NTAN1: variants seen among roughly 807,000 people sequenced by gnomAD.
NTAN1 encodes protein N-terminal asparagine amidohydrolase.
Under a neutral mutation model 41.9 loss-of-function variants are expected in NTAN1, and 32 were observed. The observed-to-expected ratio is 0.76, with a 90% confidence interval of 0.58 to 1.03. The LOEUF (loss-of-function observed/expected upper bound fraction) is 1.03. Ranked by LOEUF, NTAN1 falls within the 50% of genes least tolerant of loss-of-function variation. The probability of loss-of-function intolerance (pLI) is 0.00; values close to 1 mark genes in which losing one functional copy is unlikely to be tolerated. For synonymous variants in NTAN1, 140 were observed against 139.5 expected, an observed-to-expected ratio of 1.00 and a Z score of -0.03; for missense variants, 377 against 377.5, an observed-to-expected ratio of 1.00 and a Z score of 0.01.
intron 8 of NTAN1, 68 bp from the exon 9 acceptor site, chr16:15,038,755 G>A (rs996464465): frequency 1.2e-5 from 10 of 812,842 alleles, no homozygotes; most frequent in African/African-American, 6.8e-5. Context: ...TCCCAGTAAC[G>A]CAAGCTCCAG....
chr16:15,052,120 A>G (rs766273854), intron 1 of NTAN1, among the ~76,000 whole-genome samples: 1 of 152,168 alleles, frequency 6.6e-6, no homozygotes, highest in Non-Finnish European at 1.5e-5. Flanking sequence ...AAAAGGCCAG[A>G]CAGTAAATAT....
At chr16:15,049,742 T>C (rs1446032408) in intron 1 of NTAN1, among the ~76,000 whole-genome samples, 1 of 152,056 alleles carries the variant, frequency 6.6e-6, no homozygotes, top group Non-Finnish European at 1.5e-5. Flanking sequence ...TAATTTGTAA[T>C]GGCAAAAAGC....
rs374457658 is a variant in NTAN1, at chr16:15,050,742, AAATT to A, written c.82-2647_82-2644del. ...CCAAGACCCTGCCTCAAAAAAAAAAAAATTAAGATTAAACTAAAAGAAGAGATGT... is the reference window on the plus strand; with the variant it reads ...CCAAGACCCTGCCTCAAAAAAAAAAAAAGATTAAACTAAAAGAAGAGATGT... On this transcript the variant is annotated intron_variant, in intron 1 of 9. Coordinates refer to ENST00000287706, the MANE Select transcript of NTAN1 (RefSeq NM_173474.4). 9.9e-4 allele frequency among the ~76,000 whole-genome samples: 151 copies of A among 152,270 alleles called. 2 individuals carry two copies. The East Asian group carries it at 0.02, about 21-fold the overall frequency.
intron 7 of NTAN1, 73 bp from the exon 8 acceptor site, chr16:15,040,139 T>A: frequency 1.3e-6 from 1 of 785,176 alleles, no homozygotes; most frequent in Non-Finnish European, 2.2e-6. Context: ...CTTACATTTC[T>A]ACCACCACTC....
chr16:15,042,340 C>T (rs940151759), intron 5 of NTAN1, among the ~76,000 whole-genome samples: 4 of 151,980 alleles, frequency 2.6e-5, no homozygotes, highest in African/African-American at 9.7e-5. Flanking sequence ...CTTGCGCCAC[C>T]ATGCCTGGCT....
At chr16:15,048,338 TAACCTATG>T (rs1431505551) in intron 1 of NTAN1, among the ~76,000 whole-genome samples, 1 of 152,236 alleles carries the variant, frequency 6.6e-6, no homozygotes, top group East Asian at 1.9e-4. Context: ...GATGTCATAG[TAACCTATG>T]AAATGAGATG....
At chr16:15,041,896 A>G (rs2043831843) in intron 5 of NTAN1, among the ~76,000 whole-genome samples, 1 of 152,216 alleles carries the variant, frequency 6.6e-6, no homozygotes, top group African/African-American at 2.4e-5. Flanking sequence ...TCTCAGCCTC[A>G]GGCCCGAAGG....
At position 15,044,306 on chromosome 16, in the gene NTAN1, G is replaced by T. The variant is rs144154223; in HGVS notation, c.433+28C>A. ...ATGGGTACATATTTATGTCCAATTTGGGGGAAAGAAAAAAAAAATGAACTT... is the reference window on the plus strand; with the variant it reads ...ATGGGTACATATTTATGTCCAATTTTGGGGAAAGAAAAAAAAAATGAACTT... On this transcript the variant is annotated intron_variant, in intron 5 of 9. Coordinates refer to ENST00000287706, the MANE Select transcript of NTAN1 (RefSeq NM_173474.4). 2.8e-3 allele frequency: 4,249 copies of T among 1,516,894 alleles called. 14 individuals are homozygous for T. The highest frequency in any genetic ancestry group is 3.5e-3 in the Non-Finnish European group (3,873 of 1,093,610). The allele number at this position is 1,516,894 out of a possible 1,614,324, so 94.0% of individuals were successfully genotyped here. A position where few individuals can be genotyped will look rare whatever the true frequency, so the allele number is the denominator to read the frequency against.
intron 1 of NTAN1, among the ~76,000 whole-genome samples, chr16:15,051,646 G>GGCTAATGTT (rs1215834725): frequency 6.6e-6 from 1 of 150,782 alleles, no homozygotes; most frequent in Non-Finnish European, 1.5e-5. Context: ...CACCACACTT[G>GGCTAATGTT]TGCTAGGATT....
At chr16:15,039,917 A>T in intron 8 of NTAN1, 52 bp downstream of exon 8, 1 of 1,049,150 alleles carries the variant, frequency 9.5e-7, no homozygotes, top group Non-Finnish European at 1.4e-6. Context: ...AGGCCTTGAC[A>T]TTTGATGCCT....
intron 3 of NTAN1, 64 bp downstream of exon 3, chr16:15,047,791 A>C: frequency 7.4e-7 from 1 of 1,358,348 alleles, no homozygotes; most frequent in Non-Finnish European, 1.1e-6. Context: ...CAACACGAGA[A>C]ATTCAATGGT....
At chr16:15,040,899 G>C (rs1188425354) in intron 7 of NTAN1, among the ~76,000 whole-genome samples, 169 bp downstream of exon 7, 1 of 152,172 alleles carries the variant, frequency 6.6e-6, no homozygotes, top group Non-Finnish European at 1.5e-5. Context: ...GTAAAGCTTA[G>C]AGAAGTTAAG....
intron 4 of NTAN1, among the ~76,000 whole-genome samples, chr16:15,046,932 C>T (rs2044095250): frequency 6.6e-6 from 1 of 152,082 alleles, no homozygotes; most frequent in Non-Finnish European, 1.5e-5. Flanking sequence ...GCGGTCCCCA[C>T]ATCTTCCTGG....
At chr16:15,041,868 G>A (rs1245935048) in intron 5 of NTAN1, among the ~76,000 whole-genome samples, 192 bp from the exon 6 acceptor site, 1 of 152,194 alleles carries the variant, frequency 6.6e-6, no homozygotes, top group East Asian at 1.9e-4. Flanking sequence ...AACCCTGACC[G>A]CCAGGAGATG....
intron 1 of NTAN1, among the ~76,000 whole-genome samples, chr16:15,048,676 T>A (rs1204276468): frequency 6.6e-6 from 1 of 152,106 alleles, no homozygotes; most frequent in African/African-American, 2.4e-5. Context: ...CAAGCTGGAG[T>A]ATAGTGGTAC....
In NTAN1 at chr16:15,056,066, T is replaced by G. The variant is rs1439952669; in HGVS notation, c.-95A>C. 2.6e-6 allele frequency: 1 copy of G among 386,560 alleles called. No homozygotes were observed. Among genetic ancestry groups the G allele is most frequent in the Non-Finnish European group, 3.6e-6 (1 of 274,124 alleles). The allele number at this position is 386,560 out of a possible 1,614,324, so 23.9% of individuals were successfully genotyped here. A position where few individuals can be genotyped will look rare whatever the true frequency, so the allele number is the denominator to read the frequency against. On this transcript the variant is annotated 5_prime_UTR_variant, in exon 1 of 10. Transcript: ENST00000287706. The stretch of plus-strand genomic sequence containing the variant: ...CCGCCCCCGCCCCTCGGGCCGCGCG[T>G]CCCGCCTCGTCCTGCCCCGCCCCAC...
Position 15,038,149 on chromosome 16 carries a change from A to AAGGT in NTAN1, c.811_814dup (p.Leu272TyrfsTer20), listed in dbSNP as rs2043616725. ...AGATGGGTGTTTTTTTAAAAACATCAAGGTAGATCTAATATGTTCAACAAA... is the reference window on the plus strand; with the variant it reads ...AGATGGGTGTTTTTTTAAAAACATCAAGGTAGGTAGATCTAATATGTTCAACAAA... On this transcript the variant is annotated frameshift_variant, in exon 10 of 10. Transcript: ENST00000287706. LOFTEE classifies it high-confidence loss of function. 1 of 1,612,988 alleles carries AAGGT rather than the reference A, an allele frequency of 6.2e-7. No individual in the cohort carries two copies. Among genetic ancestry groups the AAGGT allele is most frequent in the Non-Finnish European group, 8.5e-7 (1 of 1,178,984 alleles).
Position 15,056,014 on chromosome 16 carries a change from C to T in NTAN1, c.-43G>A, listed in dbSNP as rs1365074415. The T allele has an allele frequency of 3.7e-6, 4 of 1,072,272 alleles. No individual in the cohort carries two copies. The highest frequency in any genetic ancestry group is 4.7e-6 in the Non-Finnish European group (4 of 858,428). The allele number at this position is 1,072,272 out of a possible 1,614,324, so 66.4% of individuals were successfully genotyped here. ...AGGCAGGCCCAGGGAGGCGGCGGCC[C>T]CCCGCTTTGCAGCCCCGGGCCGCCC... On this transcript the variant is annotated 5_prime_UTR_variant, in exon 1 of 10. Coordinates refer to ENST00000287706, the MANE Select transcript of NTAN1 (RefSeq NM_173474.4).
At chr16:15,038,446 A>T (rs144693321) in intron 9 of NTAN1, 128 bp downstream of exon 9, 102 of 643,866 alleles carry the variant, frequency 1.6e-4, no homozygotes, top group African/African-American at 1.2e-3. Flanking sequence ...GGGTCTGTCA[A>T]TGGCATCCAA....
Sources: gnomAD v4.1 joint callset for allele counts (sites outside exome capture counted in the v4.1 genomes callset) on GRCh38, gnomAD v4.1.1 for gene constraint, MANE v1.5 for transcripts, NCBI Gene and HGNC (gene_info 2026-07-23, HGNC 2026-07-21) for gene names.